Variants in ATG7 observed in about 807,000 individuals in gnomAD.
ATG7 encodes the protein autophagy related 7.
A neutral mutation model predicts 82.4 loss-of-function variants in ATG7; 70 were observed. The observed-to-expected ratio is 0.85, with a 90% CI of 0.70 to 1.04. The LOEUF (loss-of-function observed/expected upper bound fraction) is 1.04. ATG7 is among the 50% of genes least tolerant of loss of function. The pLI is 0.00. For synonymous variants in ATG7, 287 were observed against 313.0 expected (o/e 0.92, Z 0.88); for missense variants, 792 against 864.3 (o/e 0.92, Z 1.05).
chr3:11,326,306 G>A (rs1300829968), intron 9 of ATG7, among the ~76,000 whole-genome samples: 1 of 149,950 alleles, frequency 6.7e-6, no homozygotes, highest in Admixed American at 6.6e-5. Flanking sequence ...TGTTGTTGTT[G>A]TTTTGTTTTT....
At chr3:11,573,359 G>T in the ATG7 span, among the ~76,000 whole-genome samples, 1 of 102,186 alleles carries the variant, frequency 9.8e-6, no homozygotes, top group Admixed American at 9.8e-5. Context: ...AAGAAAGAAA[G>T]AAAGAAAGAA....
chr3:11,394,254 A>G (rs1007437635), intron 19 of ATG7, among the ~76,000 whole-genome samples: 3 of 152,216 alleles, frequency 2.0e-5, no homozygotes, highest in African/African-American at 4.8e-5. Context: ...AGGTAAGACC[A>G]TGTACTAAGG....
At chr3:11,369,256 A>G (rs1167301269) in intron 18 of ATG7, among the ~76,000 whole-genome samples, 1 of 151,084 alleles carries the variant, frequency 6.6e-6, no homozygotes, top group Non-Finnish European at 1.5e-5. Flanking sequence ...GATAAGCAAT[A>G]AGAGCATATT....
intron 19 of ATG7, among the ~76,000 whole-genome samples, chr3:11,400,298 G>T (rs1294175584): frequency 6.6e-6 from 1 of 152,162 alleles, no homozygotes; most frequent in African/African-American, 2.4e-5. Flanking sequence ...TTAAGCCAGG[G>T]TATATGAACT....
rs150696348 is a variant in ATG7, at chr3:11,431,408, A to AAC, written c.2079+4493_2079+4494dup. On this transcript the variant is annotated intron_variant, in intron 20 of 20. Transcript: ENST00000693202. ...CGGGGGGAAAAAAACAACCACACAC[A>AAC]ACACACACACACCTTTTTAAAGTGT... Among the ~76,000 whole-genome samples, 345 of 152,276 alleles carry AAC rather than the reference A, an allele frequency of 2.3e-3. 8 individuals are homozygous for AAC. The East Asian group carries it at 0.041, about 18-fold the overall frequency.
At chr3:11,542,001 C>T (rs375844346) in intron 20 of ATG7, among the ~76,000 whole-genome samples, 4 of 152,222 alleles carry the variant, frequency 2.6e-5, no homozygotes, top group East Asian at 1.9e-4. Context: ...AAATGTGTTT[C>T]GAAGCCTGGA....
intron 20 of ATG7, among the ~76,000 whole-genome samples, chr3:11,535,943 G>A (rs944083379): frequency 4.6e-5 from 7 of 152,198 alleles, no homozygotes; most frequent in African/African-American, 1.4e-4. Flanking sequence ...ATTCCATGTG[G>A]GATGACGCAG....
At chr3:11,345,812 T>A (rs1415087900) in intron 13 of ATG7, among the ~76,000 whole-genome samples, 1 of 152,176 alleles carries the variant, frequency 6.6e-6, no homozygotes, top group African/African-American at 2.4e-5. Context: ...ACTGTCTTTT[T>A]CTAGGTTCTA....
At chr3:11,452,547 A>G (rs1028552823) in intron 20 of ATG7, among the ~76,000 whole-genome samples, 1 of 152,172 alleles carries the variant, frequency 6.6e-6, no homozygotes. Flanking sequence ...ATGAACAAGA[A>G]AGTAAAACCC....
At chr3:11,289,870 C>T (rs1197279128) in intron 3 of ATG7, among the ~76,000 whole-genome samples, 3 of 152,016 alleles carry the variant, frequency 2.0e-5, no homozygotes, top group Admixed American at 6.6e-5. Flanking sequence ...TTTTTTTTCT[C>T]TCTCTGTAAA....
intron 20 of ATG7, among the ~76,000 whole-genome samples, chr3:11,466,719 A>G (rs2086861186): frequency 6.6e-6 from 1 of 152,238 alleles, no homozygotes; most frequent in Non-Finnish European, 1.5e-5. Context: ...TATGTTCAAT[A>G]TCATCTATAG....
chr3:11,545,048 TGCGGAGAGGAGC>T (rs2071158394), intron 20 of ATG7, among the ~76,000 whole-genome samples: 3 of 152,102 alleles, frequency 2.0e-5, no homozygotes, highest in African/African-American at 7.2e-5. Context: ...TGGGAGGGGC[TGCGGAGAGGAGC>T]TTTCTAAGCC....
intron 18 of ATG7, among the ~76,000 whole-genome samples, chr3:11,379,612 G>T (rs2077717301): frequency 6.6e-6 from 1 of 152,192 alleles, no homozygotes; most frequent in South Asian, 2.1e-4. Context: ...ACACATGTGG[G>T]AGCTTAAGAG....
At chr3:11,342,030 A>G in intron 12 of ATG7, 105 bp from the exon 13 acceptor site, 1 of 1,325,972 alleles carries the variant, frequency 7.5e-7, no homozygotes, top group Non-Finnish European at 1.0e-6. Context: ...CTTTGATCCC[A>G]ATTTCCTTAT....
chr3:11,423,291 A>G (rs1056846665), intron 19 of ATG7, among the ~76,000 whole-genome samples: 2 of 152,216 alleles, frequency 1.3e-5, no homozygotes, highest in Non-Finnish European at 1.5e-5. Context: ...CCCCAAAACA[A>G]TTACAATAGT....
At chr3:11,339,858 CAT>C (rs1953227717) in intron 11 of ATG7, among the ~76,000 whole-genome samples, 1 of 152,186 alleles carries the variant, frequency 6.6e-6, no homozygotes, top group East Asian at 1.9e-4. Flanking sequence ...TTATCTCCCT[CAT>C]GTGCAATGTG....
intron 8 of ATG7, among the ~76,000 whole-genome samples, chr3:11,314,359 T>C (rs1949092240): frequency 6.6e-6 from 1 of 152,216 alleles, no homozygotes; most frequent in African/African-American, 2.4e-5. Context: ...GATGCCATCA[T>C]TCAGGGAGCT....
chr3:11,481,828 T>C (rs768686144), intron 20 of ATG7, among the ~76,000 whole-genome samples: 116 of 152,314 alleles, frequency 7.6e-4, no homozygotes, highest in Non-Finnish European at 1.4e-3. Flanking sequence ...TTAATCTTTG[T>C]GGACCGCAGT....
chr3:11,569,282 G>A, the ATG7 span, among the ~76,000 whole-genome samples: 1 of 152,224 alleles, frequency 6.6e-6, no homozygotes, highest in African/African-American at 2.4e-5. Flanking sequence ...ACACTGATCT[G>A]AGTCTGAGTT....
Sources: gnomAD v4.1 joint callset for allele counts (sites outside exome capture counted in the v4.1 genomes callset) on GRCh38, gnomAD v4.1.1 for gene constraint, MANE v1.5 for transcripts, NCBI Gene and HGNC (gene_info 2026-07-23, HGNC 2026-07-21) for gene names.